The following DLC1 variants were observed in gnomAD, a reference collection of about 807,000 sequenced individuals.
DLC1 encodes DLC1 Rho GTPase activating protein, also known as rho GTPase-activating protein 7.
In DLC1, 54 loss-of-function variants were observed where a neutral mutation model predicts 140.3. That is an observed-to-expected ratio of 0.38 (90% CI 0.31 to 0.48). The LOEUF (loss-of-function observed/expected upper bound fraction) is 0.48. Among genes scored for constraint, DLC1 ranks in the 20% least tolerant of loss-of-function variants. The pLI is 0.96. For synonymous variants in DLC1, 986 were observed against 728.1 expected (o/e 1.35, Z -5.70); for missense variants, 2,536 against 1,907.0 (o/e 1.33, Z -6.14).
chr8:13,540,353 C>T (rs1803441660), intron 1 of DLC1, among the ~76,000 whole-genome samples: 1 of 152,202 alleles, frequency 6.6e-6, no homozygotes, highest in Non-Finnish European at 1.5e-5. Context: ...ACTAACCGTT[C>T]ATATTTTCTA....
intron 5 of DLC1, among the ~76,000 whole-genome samples, chr8:13,221,903 AAT>A (rs916798575): frequency 1.4e-5 from 2 of 143,080 alleles, no homozygotes; most frequent in Admixed American, 7.1e-5. Flanking sequence ...TATATATTAA[AAT>A]ATATATTAGT....
At chr8:13,433,420 G>A (rs1585099509) in intron 2 of DLC1, among the ~76,000 whole-genome samples, 1 of 152,110 alleles carries the variant, frequency 6.6e-6, no homozygotes, top group African/African-American at 2.4e-5. Flanking sequence ...AAAAAGCATG[G>A]ATTAACAGCT....
chr8:13,379,240 G>A (rs915250557), intron 4 of DLC1, among the ~76,000 whole-genome samples: 7 of 152,120 alleles, frequency 4.6e-5, no homozygotes, highest in African/African-American at 1.7e-4. Flanking sequence ...CTTGCCTGGA[G>A]TCAGCCTGGC....
intron 5 of DLC1, among the ~76,000 whole-genome samples, chr8:13,253,055 G>A (rs545111076): frequency 2.8e-4 from 42 of 152,258 alleles, no homozygotes; most frequent in Non-Finnish European, 4.7e-4. Context: ...AGAAGCCATC[G>A]TATGATCAAG....
intron 7 of DLC1, among the ~76,000 whole-genome samples, chr8:13,105,412 G>C (rs1329637758): frequency 6.6e-6 from 1 of 152,070 alleles, no homozygotes; most frequent in Non-Finnish European, 1.5e-5. Flanking sequence ...CACTATGCTA[G>C]GCACTTCCTA....
At chr8:13,220,730 A>G (rs1415907436) in intron 5 of DLC1, among the ~76,000 whole-genome samples, 1 of 152,202 alleles carries the variant, frequency 6.6e-6, no homozygotes, top group East Asian at 1.9e-4. Context: ...TCCAAAGTAA[A>G]TCCATACATC....
In DLC1 at chr8:13,115,670, A is replaced by G. The variant is rs979348638; in HGVS notation, c.1349-13T>C. 10 of 1,612,848 alleles carry G rather than the reference A, an allele frequency of 6.2e-6. No individual in the cohort carries two copies. The highest frequency in any genetic ancestry group is 7.6e-6 in the Non-Finnish European group (9 of 1,179,592). On this transcript the variant is annotated splice_polypyrimidine_tract_variant and intron_variant, in intron 5 of 17. Transcript: ENST00000276297. ...TTGGCTTCAATTTCTAGAACAGAAC[A>G]GAAGAAAGACAAAATTAGCCATGTG...
At chr8:13,444,685 A>G (rs576019749) in intron 2 of DLC1, among the ~76,000 whole-genome samples, 6 of 152,338 alleles carry the variant, frequency 3.9e-5, no homozygotes, top group African/African-American at 1.4e-4. Context: ...GTTATTTTTC[A>G]TACAAAATAT....
At chr8:13,207,364 A>T (rs912819334) in intron 5 of DLC1, among the ~76,000 whole-genome samples, 1 of 152,268 alleles carries the variant, frequency 6.6e-6, no homozygotes, top group East Asian at 1.9e-4. Flanking sequence ...TTAGTAAAAA[A>T]GTTGTATTTT....
At chr8:13,368,906 C>T (rs1426590542) in intron 4 of DLC1, among the ~76,000 whole-genome samples, 2 of 152,148 alleles carry the variant, frequency 1.3e-5, no homozygotes, top group South Asian at 4.1e-4. Context: ...TCACTGCCAC[C>T]TCTGCCTCCT....
chr8:13,562,047 A>G (rs142304960), intron 1 of DLC1, among the ~76,000 whole-genome samples: 225 of 152,290 alleles, frequency 1.5e-3, no homozygotes, highest in African/African-American at 4.9e-3. Flanking sequence ...AAAAAAGGAG[A>G]TAGAACAGGG....
chr8:13,246,565 T>C (rs1001891967), intron 5 of DLC1, among the ~76,000 whole-genome samples: 1 of 152,088 alleles, frequency 6.6e-6, no homozygotes, highest in Non-Finnish European at 1.5e-5. Flanking sequence ...TCAGAAAGCA[T>C]TTGAAAATGA....
intron 1 of DLC1, among the ~76,000 whole-genome samples, chr8:13,545,043 G>A (rs944857154): frequency 3.9e-5 from 6 of 151,970 alleles, no homozygotes; most frequent in African/African-American, 7.2e-5. Flanking sequence ...TTATATTTTC[G>A]TCGTATCCTC....
intron 5 of DLC1, among the ~76,000 whole-genome samples, chr8:13,209,449 A>C (rs980057887): frequency 1.3e-5 from 2 of 152,200 alleles, no homozygotes; most frequent in Non-Finnish European, 2.9e-5. Context: ...TCTGCTCATC[A>C]GTCTGTCTGA....
intron 1 of DLC1, among the ~76,000 whole-genome samples, chr8:13,575,027 A>G (rs1182807998): frequency 1.3e-5 from 2 of 152,220 alleles, no homozygotes; most frequent in East Asian, 1.9e-4. Context: ...CAAATAGTCA[A>G]TTTGAGAAAC....
chr8:13,449,264 G>A (rs1435606678), intron 2 of DLC1, among the ~76,000 whole-genome samples: 1 of 152,200 alleles, frequency 6.6e-6, no homozygotes, highest in Non-Finnish European at 1.5e-5. Flanking sequence ...ACACAGCTCA[G>A]CTGCCATAGA....
intron 5 of DLC1, among the ~76,000 whole-genome samples, chr8:13,260,156 G>T (rs959178610): frequency 6.6e-6 from 1 of 152,172 alleles, no homozygotes; most frequent in Non-Finnish European, 1.5e-5. Flanking sequence ...TCCCAAGCAG[G>T]TAGAGGTGCT....
At chr8:13,528,224 C>G (rs1802981387) in intron 1 of DLC1, among the ~76,000 whole-genome samples, 1 of 152,094 alleles carries the variant, frequency 6.6e-6, no homozygotes, top group Non-Finnish European at 1.5e-5. Flanking sequence ...CACATTTCTA[C>G]AATATTACTT....
At chr8:13,403,715 G>T (rs572770541) in intron 2 of DLC1, among the ~76,000 whole-genome samples, 16 of 151,170 alleles carry the variant, frequency 1.1e-4, no homozygotes, top group Admixed American at 3.3e-4. Flanking sequence ...ATGTTGGCTC[G>T]CTGCAGCCTG....
Sources: allele counts gnomAD v4.1 joint callset (sites outside exome capture counted in the v4.1 genomes callset), GRCh38; gene constraint gnomAD v4.1.1; transcripts MANE v1.5; gene names NCBI Gene and HGNC (gene_info 2026-07-23, HGNC 2026-07-21).